The following OSTF1 variants were observed in gnomAD, a reference collection of about 807,000 sequenced individuals.
OSTF1 encodes the protein osteoclast stimulating factor 1.
A neutral mutation model predicts 37.2 loss-of-function variants in OSTF1; 27 were observed. That is an observed-to-expected ratio of 0.73 (90% CI 0.54 to 1.00). OSTF1 has a LOEUF of 1.00. Among genes scored for constraint, OSTF1 ranks in the 50% least tolerant of loss-of-function variants. The pLI is 0.00. For missense variants in OSTF1, 232 were observed against 253.8 expected (o/e 0.91, Z 0.58); for synonymous variants, 82 against 89.2 (o/e 0.92, Z 0.46).
intron 5 of OSTF1, among the ~76,000 whole-genome samples, chr9:75,132,861 C>A (rs1237793535): frequency 6.6e-6 from 1 of 151,950 alleles, no homozygotes; most frequent in Non-Finnish European, 1.5e-5. Context: ...ACTGAAGATG[C>A]ATTTTAAATA....
chr9:75,137,344 C>T (rs1825858770), intron 7 of OSTF1, among the ~76,000 whole-genome samples, 194 bp from the exon 8 acceptor site: 2 of 152,142 alleles, frequency 1.3e-5, no homozygotes, highest in African/African-American at 4.8e-5. Flanking sequence ...CATCCTATTC[C>T]ATCTCCCAAA....
At chr9:75,100,923 C>T (rs1216499158) in intron 1 of OSTF1, among the ~76,000 whole-genome samples, 1 of 152,128 alleles carries the variant, frequency 6.6e-6, no homozygotes, top group African/African-American at 2.4e-5. Flanking sequence ...CCCCAGAAAC[C>T]ACAGCTTTTC....
At chr9:75,141,570 G>T (rs1825944821) in intron 9 of OSTF1, among the ~76,000 whole-genome samples, 1 of 152,002 alleles carries the variant, frequency 6.6e-6, no homozygotes, top group Non-Finnish European at 1.5e-5. Context: ...ATGTATTTAT[G>T]AGTGATTACC....
In OSTF1 at chr9:75,134,408, A is replaced by T; in HGVS notation, c.408+13A>T. ...ACTGAACCAGCAGGTAAGACTGCTT[A>T]TTTGAAAATTATTTAACACATACCT... On this transcript the variant is annotated intron_variant, in intron 7 of 9. Transcript: ENST00000346234. 2 of 1,448,860 alleles carry T rather than the reference A, an allele frequency of 1.4e-6. No individual in the cohort carries two copies. The highest frequency in any genetic ancestry group is 1.9e-6 in the Non-Finnish European group (2 of 1,036,262). The allele number at this position is 1,448,860 out of a possible 1,614,324, so 89.8% of individuals were successfully genotyped here. A position where few individuals can be genotyped will look rare whatever the true frequency, so the allele number is the denominator to read the frequency against.
intron 7 of OSTF1, among the ~76,000 whole-genome samples, chr9:75,136,442 G>A (rs1825844555): frequency 6.6e-6 from 1 of 151,912 alleles, no homozygotes; most frequent in African/African-American, 2.4e-5. Flanking sequence ...GTCCAGGCTG[G>A]GGCGTAGTGG....
chr9:75,111,530 C>G (rs138302114), intron 1 of OSTF1, among the ~76,000 whole-genome samples: 1 of 152,120 alleles, frequency 6.6e-6, no homozygotes, highest in Non-Finnish European at 1.5e-5. Context: ...AGTGCTAATA[C>G]GTGCAGGTTC....
chr9:75,121,787 A>G (rs1264962902), intron 2 of OSTF1, among the ~76,000 whole-genome samples: 1 of 152,162 alleles, frequency 6.6e-6, no homozygotes, highest in African/African-American at 2.4e-5. Context: ...GCATATCCTA[A>G]GCTGACCTGG....
At chr9:75,108,671 A>G (rs368188006) in intron 1 of OSTF1, among the ~76,000 whole-genome samples, 68 of 152,280 alleles carry the variant, frequency 4.5e-4, no homozygotes, top group African/African-American at 1.5e-3. Context: ...CAGTGACATT[A>G]TATCATCATC....
chr9:75,105,342 C>T (rs567319228), intron 1 of OSTF1, among the ~76,000 whole-genome samples: 14 of 152,284 alleles, frequency 9.2e-5, no homozygotes, highest in African/African-American at 2.6e-4. Context: ...CTTTAGGCTT[C>T]GTAGGCCACA....
At chr9:75,146,010 A>G (rs567375529) in intron 9 of OSTF1, among the ~76,000 whole-genome samples, 1 of 152,330 alleles carries the variant, frequency 6.6e-6, no homozygotes, top group East Asian at 1.9e-4. Flanking sequence ...GAACTTCAAC[A>G]ATGTGCTTGT....
chr9:75,111,552 A>G (rs1172881988), intron 1 of OSTF1, among the ~76,000 whole-genome samples: 2 of 152,160 alleles, frequency 1.3e-5, no homozygotes, highest in Non-Finnish European at 2.9e-5. Context: ...TGCAAGGTTC[A>G]CCTAAAGCCT....
intron 2 of OSTF1, among the ~76,000 whole-genome samples, chr9:75,126,636 C>T (rs1349793801): frequency 6.6e-6 from 1 of 152,238 alleles, no homozygotes; most frequent in African/African-American, 2.4e-5. Flanking sequence ...CTCTGTCACC[C>T]AGGCTGGAGT....
At chr9:75,126,363 G>A (rs1162652231) in intron 2 of OSTF1, among the ~76,000 whole-genome samples, 3 of 152,112 alleles carry the variant, frequency 2.0e-5, no homozygotes, top group Admixed American at 6.5e-5. Context: ...GGAAATTTTT[G>A]TGTCTATTTA....
At chr9:75,103,989 A>G (rs1012969673) in intron 1 of OSTF1, among the ~76,000 whole-genome samples, 1 of 152,092 alleles carries the variant, frequency 6.6e-6, no homozygotes, top group Non-Finnish European at 1.5e-5. Context: ...ACACTTTGGG[A>G]GGCCAAGGTG....
At chr9:75,100,972 G>A (rs530019775) in intron 1 of OSTF1, among the ~76,000 whole-genome samples, 1 of 152,232 alleles carries the variant, frequency 6.6e-6, no homozygotes, top group South Asian at 2.1e-4. Flanking sequence ...AATCCTAAAG[G>A]ACTCCATTCT....
At chr9:75,096,089 C>T (rs910516649) in intron 1 of OSTF1, among the ~76,000 whole-genome samples, 4 of 152,168 alleles carry the variant, frequency 2.6e-5, no homozygotes, top group African/African-American at 9.7e-5. Flanking sequence ...GTCAGGGTTT[C>T]ACCGTGTTAG....
chr9:75,110,760 G>C (rs964917336), intron 1 of OSTF1, among the ~76,000 whole-genome samples: 29 of 151,802 alleles, frequency 1.9e-4, no homozygotes, highest in Middle Eastern at 3.4e-3. Context: ...ATCCAGGCTG[G>C]AGTGCAGTGG....
chr9:75,099,579 G>A (rs1825153288), intron 1 of OSTF1, among the ~76,000 whole-genome samples: 1 of 152,038 alleles, frequency 6.6e-6, no homozygotes, highest in Non-Finnish European at 1.5e-5. Flanking sequence ...TGTAATCCCA[G>A]CACTTTGGGA....
In OSTF1 at chr9:75,147,220, G is replaced by GTATCAC. The variant is rs955445793; in HGVS notation, c.*481_*486dup. ...TTTATTTCTTTTGTCCGTTTCTGTG[G>GTATCAC]TATCACTCATTGTCGTTAAGTAAGT... On this transcript the variant is annotated 3_prime_UTR_variant, in exon 10 of 10. Transcript: ENST00000346234. The GTATCAC allele has an allele frequency of 2.6e-5, 4 of 152,032 alleles. No individual in the cohort carries two copies. Among genetic ancestry groups the GTATCAC allele is most frequent in the African/African-American group, 9.7e-5 (4 of 41,358 alleles). 9.4% of individuals were successfully genotyped at this position (152,032 alleles called of 1,614,324 possible). A position where few individuals can be genotyped will look rare whatever the true frequency, so the allele number is the denominator to read the frequency against.
Sources: gnomAD v4.1 joint callset for allele counts (sites outside exome capture counted in the v4.1 genomes callset) on GRCh38, gnomAD v4.1.1 for gene constraint, MANE v1.5 for transcripts, NCBI Gene and HGNC (gene_info 2026-07-23, HGNC 2026-07-21) for gene names.